TMEM132D: variants seen among roughly 807,000 people sequenced by gnomAD.
TMEM132D encodes the protein transmembrane protein 132D, also known as mature OL transmembrane protein.
A neutral mutation model predicts 62.3 loss-of-function variants in TMEM132D; 21 were observed. The ratio of observed to expected loss-of-function variants is 0.34; its 90% CI spans 0.24 to 0.49. The LOEUF (loss-of-function observed/expected upper bound fraction) is 0.49. TMEM132D is among the 20% of genes least tolerant of loss of function. The probability of loss-of-function intolerance (pLI) is 0.99; values close to 1 mark genes in which losing one functional copy is unlikely to be tolerated. For missense variants in TMEM132D, 1,346 were observed against 1,402.8 expected, an observed-to-expected ratio of 0.96 and a Z score of 0.65; for synonymous variants, 621 against 575.6, an observed-to-expected ratio of 1.08 and a Z score of -1.13.
At chr12:129,385,180 A>G (rs746073529) in intron 3 of TMEM132D, among the ~76,000 whole-genome samples, 4 of 137,468 alleles carry the variant, frequency 2.9e-5, no homozygotes, top group Non-Finnish European at 6.0e-5. Flanking sequence ...ATCTTGGCTC[A>G]CTGCAACTTC....
intron 3 of TMEM132D, among the ~76,000 whole-genome samples, chr12:129,374,510 G>T (rs1416169592): frequency 6.6e-6 from 1 of 152,140 alleles, no homozygotes; most frequent in Non-Finnish European, 1.5e-5. Flanking sequence ...TGAATTTAGA[G>T]GGGATTCGGA....
intron 5 of TMEM132D, among the ~76,000 whole-genome samples, chr12:129,174,163 A>G (rs1166048755): frequency 1.3e-5 from 2 of 152,278 alleles, no homozygotes. Flanking sequence ...GGTTTGTTAC[A>G]TAGGTATATG....
chr12:129,605,787 T>C (rs1477110694), intron 2 of TMEM132D, among the ~76,000 whole-genome samples: 1 of 152,018 alleles, frequency 6.6e-6, no homozygotes, highest in Non-Finnish European at 1.5e-5. Context: ...ACATCATTTT[T>C]TTCATGGGTC....
intron 5 of TMEM132D, among the ~76,000 whole-genome samples, chr12:129,176,732 G>T (rs1208602760): frequency 6.6e-6 from 1 of 152,232 alleles, no homozygotes; most frequent in Non-Finnish European, 1.5e-5. Context: ...TCGCTGAAGG[G>T]CAGCCAACGA....
chr12:129,301,881 A>T (rs112420272), intron 4 of TMEM132D, among the ~76,000 whole-genome samples: 33 of 152,092 alleles, frequency 2.2e-4, no homozygotes, highest in African/African-American at 7.2e-4. Context: ...ACCATATTCT[A>T]TTGTCTCAGG....
intron 4 of TMEM132D, among the ~76,000 whole-genome samples, chr12:129,295,777 T>C (rs1231651113): frequency 6.6e-6 from 1 of 152,218 alleles, no homozygotes; most frequent in Non-Finnish European, 1.5e-5. Context: ...TTTGTACATC[T>C]GATTATACAC....
intron 1 of TMEM132D, among the ~76,000 whole-genome samples, chr12:129,885,953 C>T (rs1874738303): frequency 6.6e-6 from 1 of 152,098 alleles, no homozygotes; most frequent in Non-Finnish European, 1.5e-5. Context: ...ATGTAATAAC[C>T]TTGAAAGTAA....
chr12:129,203,877 T>C (rs2135562754), intron 5 of TMEM132D, among the ~76,000 whole-genome samples: 1 of 152,302 alleles, frequency 6.6e-6, no homozygotes, highest in East Asian at 1.9e-4. Context: ...ACCAGAATAC[T>C]GAACAAAAGA....
intron 5 of TMEM132D, among the ~76,000 whole-genome samples, chr12:129,116,914 TCCG>T (rs1875908871): frequency 1.5e-5 from 1 of 65,270 alleles, no homozygotes; most frequent in African/African-American, 5.8e-5. Flanking sequence ...GCTGAAAATT[TCCG>T]CAAAAAAAAA....
chr12:129,556,826 G>A (rs1877074079), intron 2 of TMEM132D, among the ~76,000 whole-genome samples: 1 of 152,142 alleles, frequency 6.6e-6, no homozygotes, highest in South Asian at 2.1e-4. Context: ...ATATTAGACG[G>A]TGAAGTTAGA....
At chr12:129,279,588 A>C (rs1881086770) in intron 4 of TMEM132D, among the ~76,000 whole-genome samples, 1 of 152,106 alleles carries the variant, frequency 6.6e-6, no homozygotes, top group African/African-American at 2.4e-5. Flanking sequence ...GAAAACCTAC[A>C]AAATCTTTCA....
intron 3 of TMEM132D, among the ~76,000 whole-genome samples, chr12:129,438,806 C>T (rs951178894): frequency 1.3e-5 from 2 of 152,172 alleles, no homozygotes; most frequent in Admixed American, 1.3e-4. Flanking sequence ...AATATCCCTA[C>T]ATCACCATTC....
In TMEM132D at chr12:129,903,815, C is replaced by G. The variant is rs927786813; in HGVS notation, c.-476G>C. ...CGCGGGCAGAGGCGGCTCGGAGCCCCCCGGGCGGGTGGCCGGGCTCGCTGG... is the reference window on the plus strand; with the variant it reads ...CGCGGGCAGAGGCGGCTCGGAGCCCGCCGGGCGGGTGGCCGGGCTCGCTGG... On this transcript the variant is annotated 5_prime_UTR_variant, in exon 1 of 9. Coordinates refer to ENST00000422113, the MANE Select transcript of TMEM132D (RefSeq NM_133448.3). This position sits in a 1 kb window ranked among gnomAD's most constrained non-coding sequence, Gnocchi z 6.2. The G allele has an allele frequency of 1.4e-5, 2 of 147,410 alleles. No individual in the cohort carries two copies. Among genetic ancestry groups the G allele is most frequent in the Admixed American group, 1.3e-4 (2 of 14,832 alleles). 9.1% of individuals were successfully genotyped at this position (147,410 alleles called of 1,614,324 possible). A position where few individuals can be genotyped will look rare whatever the true frequency, so the allele number is the denominator to read the frequency against.
intron 3 of TMEM132D, among the ~76,000 whole-genome samples, chr12:129,477,924 T>C (rs1874319391): frequency 6.6e-6 from 1 of 152,114 alleles, no homozygotes; most frequent in South Asian, 2.1e-4. Flanking sequence ...CGGGGACATG[T>C]TATATGTGTC....
Position 129,867,971 on chromosome 12 carries a change from A to G in TMEM132D, c.79+35290T>C, listed in dbSNP as rs1467474538. Among the ~76,000 whole-genome samples the G allele has an allele frequency of 1.3e-5, 2 of 152,112 alleles. No individual in the cohort carries two copies. The highest frequency in any genetic ancestry group is 2.9e-5 in the Non-Finnish European group (2 of 68,024). On this transcript the variant is annotated intron_variant, in intron 1 of 8. Coordinates refer to ENST00000422113, the MANE Select transcript of TMEM132D (RefSeq NM_133448.3). This position sits in a 1 kb window ranked among gnomAD's most constrained non-coding sequence, Gnocchi z 4.5. ...GCAGTGTTTCTATGGTACACATGAGACAGCATTTGTACGGTACACACATGA... is the reference window on the plus strand; with the variant it reads ...GCAGTGTTTCTATGGTACACATGAGGCAGCATTTGTACGGTACACACATGA...
chr12:129,281,184 G>A (rs1881135308), intron 4 of TMEM132D, among the ~76,000 whole-genome samples: 1 of 152,028 alleles, frequency 6.6e-6, no homozygotes, highest in Non-Finnish European at 1.5e-5. Context: ...ATTAAGGCAG[G>A]TCAAGAATTA....
rs755941217 is a variant in TMEM132D, at chr12:129,277,878, C to T, written c.1299+59756G>A. ...AAGAACTCCCTGGTTCATCTCACGG[C>T]GTCTTTTAAAACTCCACTCTCTATA... On this transcript the variant is annotated intron_variant, in intron 4 of 8. Transcript: ENST00000422113. This position sits in a 1 kb window ranked among gnomAD's most constrained non-coding sequence, Gnocchi z 4.2. 4.6e-5 allele frequency among the ~76,000 whole-genome samples: 7 copies of T among 152,244 alleles called. No homozygotes were observed. Among genetic ancestry groups the T allele is most frequent in the South Asian group, 4.1e-4 (2 of 4,824 alleles).
At chr12:129,658,609 T>C (rs1188572366) in intron 2 of TMEM132D, among the ~76,000 whole-genome samples, 2 of 152,108 alleles carry the variant, frequency 1.3e-5, no homozygotes, top group Non-Finnish European at 2.9e-5. Flanking sequence ...GCTTGACGAA[T>C]AGAGTATAAT....
At chr12:129,878,512 AAG>A (rs1874499269) in intron 1 of TMEM132D, among the ~76,000 whole-genome samples, 1 of 151,996 alleles carries the variant, frequency 6.6e-6, no homozygotes, top group Non-Finnish European at 1.5e-5. Flanking sequence ...GAGGATGGAA[AAG>A]AGAGCCCAGG....
Sources: gnomAD v4.1 joint callset for allele counts (sites outside exome capture counted in the v4.1 genomes callset) on GRCh38, gnomAD v4.1.1 for gene constraint, Gnocchi (gnomAD v3.1) non-coding constraint, MANE v1.5 for transcripts, NCBI Gene and HGNC (gene_info 2026-07-23, HGNC 2026-07-21) for gene names.